IFT88: variants seen among roughly 807,000 people sequenced by gnomAD.
IFT88 encodes the protein intraflagellar transport protein 88 homolog.
A neutral mutation model predicts 119.5 loss-of-function variants in IFT88; 74 were observed. The observed-to-expected ratio is 0.62, with a 90% CI of 0.51 to 0.75. The LOEUF (loss-of-function observed/expected upper bound fraction) is 0.75, where lower values mean the gene tolerates loss of function less well. Ranked by LOEUF, IFT88 falls within the 30% of genes least tolerant of loss-of-function variation. The pLI is 0.00. For missense variants in IFT88, 961 were observed against 977.7 expected (o/e 0.98, Z 0.23); for synonymous variants, 279 against 316.7 (o/e 0.88, Z 1.26).
intron 20 of IFT88, 27 bp from the exon 21 acceptor site, chr13:20,653,849 A>T (rs1265659380): frequency 8.9e-4 from 872 of 984,280 alleles, no homozygotes; most frequent in Non-Finnish European, 1.2e-3. Flanking sequence ...TTTATCTCTA[A>T]TTTCATCTCA....
chr13:20,673,901 G>A (rs533931238), intron 24 of IFT88, among the ~76,000 whole-genome samples: 3 of 152,302 alleles, frequency 2.0e-5, no homozygotes, highest in African/African-American at 4.8e-5. Flanking sequence ...GCAGGGTTGC[G>A]TGTTACTAGG....
rs568900812 is a variant in IFT88, at chr13:20,598,325, G to A, written c.595-326G>A. 2.4e-4 allele frequency among the ~76,000 whole-genome samples: 36 copies of A among 152,094 alleles called. No individual in the cohort carries two copies. The South Asian group carries it at 5.6e-3, about 24-fold the overall frequency. On this transcript the variant is annotated intron_variant, in intron 9 of 25. Coordinates refer to ENST00000351808, the MANE Select transcript of IFT88 (RefSeq NM_006531.5). ...CACGTTTAATTTATATTTAGTTCAC[G>A]ATCTTGCTTATTTCTTTGATCACCA...
intron 1 of IFT88, among the ~76,000 whole-genome samples, chr13:20,568,779 G>T (rs1253574019): frequency 1.3e-5 from 2 of 152,088 alleles, no homozygotes; most frequent in Non-Finnish European, 2.9e-5. Context: ...GAGTGCAGTG[G>T]CGGCAATCTC....
chr13:20,644,129 G>A (rs947663916), intron 19 of IFT88, among the ~76,000 whole-genome samples: 1 of 152,160 alleles, frequency 6.6e-6, no homozygotes, highest in African/African-American at 2.4e-5. Context: ...CACTTTGGGA[G>A]ACCAGAGTGA....
At chr13:20,684,841 C>T (rs1040314574) in intron 24 of IFT88, among the ~76,000 whole-genome samples, 1 of 152,242 alleles carries the variant, frequency 6.6e-6, no homozygotes, top group Non-Finnish European at 1.5e-5. Flanking sequence ...CGTAGTTCCA[C>T]GTTCTCCAAC....
chr13:20,651,521 A>G (rs1227436497), intron 20 of IFT88, among the ~76,000 whole-genome samples: 3 of 150,960 alleles, frequency 2.0e-5, no homozygotes, highest in African/African-American at 7.3e-5. Flanking sequence ...GCGAAAAGGT[A>G]GAAACAACCT....
At chr13:20,586,323 G>T (rs891226702) in intron 3 of IFT88, among the ~76,000 whole-genome samples, 27 of 152,160 alleles carry the variant, frequency 1.8e-4, no homozygotes, top group Admixed American at 1.8e-3. Context: ...ATTCTAGGTT[G>T]CTCCTAAGGA....
intron 17 of IFT88, among the ~76,000 whole-genome samples, chr13:20,640,933 G>A (rs1405551177): frequency 2.0e-5 from 3 of 152,082 alleles, no homozygotes; most frequent in Non-Finnish European, 2.9e-5. Context: ...ATCGCTTGAG[G>A]CCAGGAGTTC....
chr13:20,596,230 A>G lies in IFT88; in HGVS notation c.479A>G (p.Asp160Gly). Reference sequence around the variant, plus strand: ...AGCTGTATTGCCAATAGTTGTGGAGACTTAAAATTGGTAAGTTCATAAACA... The same window carrying G: ...AGCTGTATTGCCAATAGTTGTGGAGGCTTAAAATTGGTAAGTTCATAAACA... ...EESCIANSCG[D>G]LKLALEKAKD... Residue 160 changes from aspartate to glycine, a missense_variant, in exon 8 of 26, where the codon GAC (aspartate) becomes GGC (glycine). Transcript: ENST00000351808. 1 of 1,493,416 alleles carries G rather than the reference A, an allele frequency of 6.7e-7. No homozygotes were observed. Among genetic ancestry groups the G allele is most frequent in the Non-Finnish European group, 9.2e-7 (1 of 1,090,420 alleles). 92.5% of individuals were successfully genotyped at this position (1,493,416 alleles called of 1,614,324 possible).
At chr13:20,597,754 AAT>A (rs1238744164) in intron 9 of IFT88, among the ~76,000 whole-genome samples, 33 of 142,592 alleles carry the variant, frequency 2.3e-4, no homozygotes, top group Non-Finnish European at 4.4e-4. Flanking sequence ...TCAAAAAAAA[AAT>A]ATATATATAT....
chr13:20,624,277 G>A (rs915566775), intron 14 of IFT88, among the ~76,000 whole-genome samples: 2 of 152,104 alleles, frequency 1.3e-5, no homozygotes, highest in African/African-American at 2.4e-5. Context: ...GCAAAGGATA[G>A]TGATGCAGGG....
chr13:20,616,014 T>C, intron 14 of IFT88, 135 bp downstream of exon 14: 1 of 485,486 alleles, frequency 2.1e-6, no homozygotes, highest in Admixed American at 3.9e-5. Flanking sequence ...TAATATTGTA[T>C]GTTCAGATTA....
intron 2 of IFT88, among the ~76,000 whole-genome samples, chr13:20,582,267 C>G (rs960912819): frequency 6.6e-6 from 1 of 152,140 alleles, no homozygotes; most frequent in African/African-American, 2.4e-5. Context: ...ATATCCTGCC[C>G]TTGATTACTG....
intron 1 of IFT88, among the ~76,000 whole-genome samples, chr13:20,568,928 G>A (rs1373210153): frequency 6.6e-6 from 1 of 152,014 alleles, no homozygotes; most frequent in Non-Finnish European, 1.5e-5. Context: ...CACCGTGTTA[G>A]CCAGGATGGT....
intron 24 of IFT88, among the ~76,000 whole-genome samples, chr13:20,671,780 C>T (rs577513860): frequency 6.6e-6 from 1 of 152,178 alleles, no homozygotes; most frequent in South Asian, 2.1e-4. Context: ...ATAAATATAC[C>T]TACATTCTCT....
intron 21 of IFT88, among the ~76,000 whole-genome samples, chr13:20,654,811 A>G (rs1045436463): frequency 1.4e-4 from 22 of 152,204 alleles, no homozygotes; most frequent in African/African-American, 5.1e-4. Flanking sequence ...TGAGTTCTCA[A>G]TTGCCTATGT....
At chr13:20,638,631 T>C (rs2049390367) in intron 17 of IFT88, 113 bp downstream of exon 17, 2 of 573,918 alleles carry the variant, frequency 3.5e-6, no homozygotes, top group Non-Finnish European at 5.4e-6. Flanking sequence ...TTGACTTCCT[T>C]CTAACGGAAA....
intron 2 of IFT88, among the ~76,000 whole-genome samples, chr13:20,580,724 C>CTTTTT (rs1162699940): frequency 2.4e-5 from 3 of 122,728 alleles, no homozygotes; most frequent in East Asian, 2.2e-4. Flanking sequence ...TTTCTTTTTT[C>CTTTTT]TTTTTTTTTT....
At chr13:20,648,649 T>C (rs1306994376) in intron 20 of IFT88, among the ~76,000 whole-genome samples, 1 of 151,952 alleles carries the variant, frequency 6.6e-6, no homozygotes, top group Non-Finnish European at 1.5e-5. Flanking sequence ...AGAAAACAAA[T>C]AGCAGAAGCA....
Sources: gnomAD v4.1 joint callset for allele counts (sites outside exome capture counted in the v4.1 genomes callset) on GRCh38, gnomAD v4.1.1 for gene constraint, MANE v1.5 for transcripts, NCBI Gene and HGNC (gene_info 2026-07-23, HGNC 2026-07-21) for gene names.